Variants in DHRSX observed in about 807,000 individuals in gnomAD.
The protein encoded by DHRSX is dehydrogenase/reductase X-linked, also known as polyprenol dehydrogenase.
A neutral mutation model predicts 34.0 loss-of-function variants in DHRSX; 31 were observed. The observed-to-expected ratio is 0.91, with a 90% CI of 0.69 to 1.23. The LOEUF (loss-of-function observed/expected upper bound fraction) is 1.23, where lower values mean the gene tolerates loss of function less well. DHRSX is among the 50% of genes most tolerant of loss of function. DHRSX has a pLI of 0.00. For synonymous variants in DHRSX, 201 were observed against 183.8 expected (o/e 1.09, Z -0.76); for missense variants, 414 against 428.1 (o/e 0.97, Z 0.29).
intron 3 of DHRSX, among the ~76,000 whole-genome samples, chrX:2,300,710 G>A (rs186776562): frequency 6.6e-5 from 10 of 152,184 alleles, no homozygotes; most frequent in African/African-American, 1.2e-4. Context: ...TCCTCAGCTC[G>A]CAGACAGCTT....
chrX:2,241,109 G>A (rs1355675709), intron 6 of DHRSX, among the ~76,000 whole-genome samples: 8 of 150,872 alleles, frequency 5.3e-5, no homozygotes, highest in Admixed American at 1.3e-4. Flanking sequence ...ACTTGAACCC[G>A]GGAGGCAGAG....
At chrX:2,432,193 C>CA (rs1008378563) in intron 1 of DHRSX, among the ~76,000 whole-genome samples, 38 of 147,254 alleles carry the variant, frequency 2.6e-4, no homozygotes, top group African/African-American at 7.8e-4. Context: ...GACTCCGTCT[C>CA]AAAAAAAAAA....
chrX:2,480,745 G>T (rs2044756279), intron 1 of DHRSX, among the ~76,000 whole-genome samples: 1 of 152,096 alleles, frequency 6.6e-6, no homozygotes, highest in African/African-American at 2.4e-5. Flanking sequence ...CCTGAGCCAG[G>T]AGTTGGAGGC....
chrX:2,389,417 T>G (rs2043309308), intron 3 of DHRSX, among the ~76,000 whole-genome samples: 3 of 151,070 alleles, frequency 2.0e-5, no homozygotes, highest in African/African-American at 2.4e-5. Flanking sequence ...GGCGGTAACC[T>G]GGGAGGGGGT....
At chrX:2,330,376 C>T (rs1373890442) in intron 3 of DHRSX, among the ~76,000 whole-genome samples, 5 of 151,614 alleles carry the variant, frequency 3.3e-5, no homozygotes, top group Non-Finnish European at 7.4e-5. Context: ...CAAAAATTAG[C>T]TGGGCAGGGT....
At chrX:2,363,631 G>A (rs1246326859) in intron 3 of DHRSX, among the ~76,000 whole-genome samples, 1 of 146,786 alleles carries the variant, frequency 6.8e-6, no homozygotes, top group Non-Finnish European at 1.5e-5. Context: ...ACTGTTCTAT[G>A]GTATCATGCC....
intron 1 of DHRSX, among the ~76,000 whole-genome samples, chrX:2,492,122 C>T (rs35528491): frequency 5.9e-5 from 9 of 152,078 alleles, no homozygotes; most frequent in Non-Finnish European, 8.8e-5. Context: ...GGTTGAAAAG[C>T]GTCCTCCCCT....
chrX:2,462,250 C>G (rs1295177274), intron 1 of DHRSX, among the ~76,000 whole-genome samples: 3 of 151,812 alleles, frequency 2.0e-5, no homozygotes, highest in Non-Finnish European at 4.4e-5. Context: ...TCCACAAACG[C>G]CAGCCCTTAT....
At chrX:2,323,982 C>T (rs73630204) in intron 3 of DHRSX, among the ~76,000 whole-genome samples, 4,330 of 142,396 alleles carry the variant, frequency 0.03, 90 homozygotes, top group Middle Eastern at 0.071. Flanking sequence ...ACCTGAGCCT[C>T]GGAAGTTGAA....
intron 2 of DHRSX, among the ~76,000 whole-genome samples, chrX:2,413,377 G>A (rs1036920039): frequency 3.3e-5 from 5 of 151,992 alleles, no homozygotes; most frequent in Non-Finnish European, 5.9e-5. Context: ...ACTATAATTA[G>A]TCACAGTGAC....
chrX:2,398,957 A>G (rs974182899), intron 3 of DHRSX, among the ~76,000 whole-genome samples: 101 of 152,162 alleles, frequency 6.6e-4, no homozygotes, highest in African/African-American at 2.2e-3. Context: ...GGTTCACGCC[A>G]TTCTCCCACC....
At chrX:2,426,419 A>C (rs934156289) in intron 1 of DHRSX, among the ~76,000 whole-genome samples, 125 of 94,764 alleles carry the variant, frequency 1.3e-3, no homozygotes, top group African/African-American at 3.4e-3. Context: ...TTCTTCCTTC[A>C]TTCCTTCCTT....
At chrX:2,274,444 TCTCA>T (rs2041597712) in intron 4 of DHRSX, among the ~76,000 whole-genome samples, 1 of 151,488 alleles carries the variant, frequency 6.6e-6, no homozygotes, top group Admixed American at 6.6e-5. Context: ...TGAGATGGAG[TCTCA>T]CTCTGTTGCC....
At chrX:2,330,839 A>G (rs1356829059) in intron 3 of DHRSX, among the ~76,000 whole-genome samples, 6 of 152,112 alleles carry the variant, frequency 3.9e-5, no homozygotes, top group Non-Finnish European at 7.3e-5. Context: ...GAGAGATGAG[A>G]AAACCTACTT....
chrX:2,234,632 C>T (rs1199911782), intron 6 of DHRSX, among the ~76,000 whole-genome samples: 1 of 152,248 alleles, frequency 6.6e-6, no homozygotes, highest in East Asian at 1.9e-4. Context: ...GAATATTATG[C>T]AGTCATATCA....
At chrX:2,361,425 T>C (rs6567519) in intron 3 of DHRSX, among the ~76,000 whole-genome samples, 102,541 of 151,970 alleles carry the variant, frequency 0.67, 35,454 homozygotes, top group African/African-American at 0.8. Context: ...TTTTAAAATG[T>C]TATCAGTAAT....
chrX:2,331,436 G>GGTTTTTTT (rs1249970222), intron 3 of DHRSX, among the ~76,000 whole-genome samples: 3 of 94,656 alleles, frequency 3.2e-5, no homozygotes, highest in Admixed American at 2.8e-4. Flanking sequence ...AGGTTTTTTG[G>GGTTTTTTT]TTTTTTTTTT....
chrX:2,403,593 C>A (rs145096025), intron 3 of DHRSX, among the ~76,000 whole-genome samples: 1 of 152,096 alleles, frequency 6.6e-6, no homozygotes, highest in Non-Finnish European at 1.5e-5. Context: ...CAGTGGCTCA[C>A]GCCTGTAATC....
At chrX:2,377,989 C>T (rs1224996421) in intron 3 of DHRSX, among the ~76,000 whole-genome samples, 1 of 152,202 alleles carries the variant, frequency 6.6e-6, no homozygotes, top group African/African-American at 2.4e-5. Context: ...CCGCCTGCCT[C>T]GGCCTCCCAA....
Sources: gnomAD v4.1 joint callset for allele counts (sites outside exome capture counted in the v4.1 genomes callset) on GRCh38, gnomAD v4.1.1 for gene constraint, MANE v1.5 for transcripts, NCBI Gene and HGNC (gene_info 2026-07-23, HGNC 2026-07-21) for gene names.